Variants in PUM1 observed in about 807,000 individuals in gnomAD.
PUM1 encodes pumilio RNA binding family member 1.
PUM1 carries 13 observed loss-of-function variants against 131.8 expected under a neutral mutation model. The observed-to-expected ratio is 0.10, with a 90% CI of 0.06 to 0.16. PUM1 has a LOEUF of 0.16. PUM1 is among the 10% of genes least tolerant of loss of function. The pLI is 1.00. For missense variants in PUM1, 961 were observed against 1,512.4 expected, an observed-to-expected ratio of 0.64 and a Z score of 6.05; for synonymous variants, 509 against 556.5, an observed-to-expected ratio of 0.91 and a Z score of 1.20.
At chr1:30,973,445 A>T (rs543442781) in intron 10 of PUM1, among the ~76,000 whole-genome samples, 54 of 152,276 alleles carry the variant, frequency 3.5e-4, no homozygotes, top group Non-Finnish European at 6.9e-4. Flanking sequence ...ATTACTAGGA[A>T]TTTTTTCCAA....
chr1:30,974,152 G>A (rs959619959), intron 10 of PUM1, among the ~76,000 whole-genome samples: 2 of 151,054 alleles, frequency 1.3e-5, no homozygotes, highest in Non-Finnish European at 2.9e-5. Flanking sequence ...AAAAATAAAA[G>A]ATGTAGTTTT....
intron 2 of PUM1, among the ~76,000 whole-genome samples, chr1:31,056,609 C>CTTTTCTTTTTTTTTTTTTTTT (rs1644245029): frequency 2.5e-4 from 11 of 43,692 alleles, no homozygotes; most frequent in Admixed American, 4.0e-4. Context: ...CTTTTCTTTT[C>CTTTTCTTTTTTTTTTTTTTTT]TTTTTTTTTT....
At chr1:31,009,541 G>C (rs139556249) in intron 3 of PUM1, among the ~76,000 whole-genome samples, 3 of 152,214 alleles carry the variant, frequency 2.0e-5, no homozygotes, top group Non-Finnish European at 4.4e-5. Flanking sequence ...TGAGGCAGGT[G>C]AATCACCTGA....
At chr1:30,962,368 TGGC>T (rs1486541871) in intron 14 of PUM1, among the ~76,000 whole-genome samples, 3 of 152,206 alleles carry the variant, frequency 2.0e-5, no homozygotes, top group Non-Finnish European at 4.4e-5. Context: ...GTAGTATTTC[TGGC>T]TCCATTTCCA....
intron 2 of PUM1, chr1:31,036,811 C>G (rs1292127002): frequency 6.5e-6 from 1 of 153,414 alleles, no homozygotes; most frequent in Non-Finnish European, 1.5e-5. Context: ...ACATCAAGAC[C>G]AGGCCTAAAA....
At chr1:30,946,697 T>C (rs1040438481) in intron 17 of PUM1, among the ~76,000 whole-genome samples, 6 of 147,928 alleles carry the variant, frequency 4.1e-5, no homozygotes, top group Non-Finnish European at 7.5e-5. Flanking sequence ...ATAAAAACAA[T>C]AAAAAAGATT....
In PUM1 at chr1:30,937,861, C is replaced by T. The variant is rs187139565; in HGVS notation, c.3243-1026G>A. Reference sequence around the variant, plus strand: ...TCGGCTCACTGCAACTTCTGCCTCCCGGATTCAAATAATTCTTCTCCTGCC... The same window carrying T: ...TCGGCTCACTGCAACTTCTGCCTCCTGGATTCAAATAATTCTTCTCCTGCC... On this transcript the variant is annotated intron_variant, in intron 20 of 21. Coordinates refer to ENST00000426105, the MANE Select transcript of PUM1 (RefSeq NM_001020658.2). 2.1e-3 allele frequency among the ~76,000 whole-genome samples: 324 copies of T among 151,564 alleles called. 1 individual carries two copies. The highest frequency in any genetic ancestry group is 7.4e-3 in the African/African-American group (307 of 41,336).
intron 2 of PUM1, among the ~76,000 whole-genome samples, chr1:31,042,145 A>C (rs1183973963): frequency 6.6e-6 from 1 of 151,936 alleles, no homozygotes; most frequent in Admixed American, 6.6e-5. Context: ...GTCTCTACTA[A>C]AACTATAAAA....
At chr1:31,021,294 G>T (rs539871962) in intron 3 of PUM1, among the ~76,000 whole-genome samples, 4 of 152,050 alleles carry the variant, frequency 2.6e-5, no homozygotes, top group Non-Finnish European at 5.9e-5. Context: ...TTCTCTCCCT[G>T]TACACTCCAA....
In PUM1 at chr1:30,932,639, T is replaced by C; in HGVS notation, c.*572A>G. 1 of 92,668 alleles carries C rather than the reference T, an allele frequency of 1.1e-5. No homozygotes were observed. The highest frequency in any genetic ancestry group is 9.1e-5 in the Admixed American group (1 of 10,996). 5.7% of individuals were successfully genotyped at this position (92,668 alleles called of 1,614,324 possible). A position where few individuals can be genotyped will look rare whatever the true frequency, so the allele number is the denominator to read the frequency against. On this transcript the variant is annotated 3_prime_UTR_variant, in exon 22 of 22. Transcript: ENST00000426105. ...TTTAGCAACTCTGAAACCTTTTTCA[T>C]TATATATATATATATATATATATAT...
chr1:30,985,757 T>C (rs1477591641), intron 7 of PUM1, among the ~76,000 whole-genome samples: 1 of 152,176 alleles, frequency 6.6e-6, no homozygotes, highest in African/African-American at 2.4e-5. Context: ...TTTTTGTTTT[T>C]ACGGATGAGT....
intron 2 of PUM1, among the ~76,000 whole-genome samples, chr1:31,049,823 C>CTTTTT (rs773718125): frequency 4.4e-4 from 35 of 80,000 alleles, no homozygotes; most frequent in Non-Finnish European, 5.1e-4. Flanking sequence ...ACTGAACTTC[C>CTTTTT]TTTTTTTTTT....
At chr1:31,000,318 A>G (rs751195468) in intron 5 of PUM1, among the ~76,000 whole-genome samples, 4 of 152,212 alleles carry the variant, frequency 2.6e-5, no homozygotes, top group Non-Finnish European at 5.9e-5. Context: ...TGTTAACCCA[A>G]AGCTATAGTG....
At chr1:31,014,071 C>A (rs1466476863) in intron 3 of PUM1, among the ~76,000 whole-genome samples, 2 of 151,900 alleles carry the variant, frequency 1.3e-5, no homozygotes, top group Non-Finnish European at 2.9e-5. Context: ...GGAGGTGAGG[C>A]AGGAGGATAG....
Position 30,941,189 on chromosome 1 carries a change from T to C in PUM1, c.3204A>G (p.Arg1068=). The change falls in exon 20 of 22, where the codon CGA becomes CGG. Residue 1068 remains arginine, a synonymous_variant. Coordinates refer to ENST00000426105, the MANE Select transcript of PUM1 (RefSeq NM_001020658.2). ...GCTGACTCAATACAAGTACATTGCC[T>C]CGGATTTCTGCTACAATTTTGCTTT... The part of the protein sequence containing the change: ...EDKSKIVAEI[R]GNVLVLSQHK... 6.2e-7 allele frequency: 1 copy of C among 1,613,838 alleles called. No individual in the cohort carries two copies. The highest frequency in any genetic ancestry group is 8.5e-7 in the Non-Finnish European group (1 of 1,179,838).
intron 9 of PUM1, among the ~76,000 whole-genome samples, chr1:30,975,294 C>T (rs1029349115): frequency 3.3e-5 from 5 of 152,058 alleles, no homozygotes; most frequent in Admixed American, 1.3e-4. Flanking sequence ...GACAACAAAA[C>T]CTAGACACTC....
intron 21 of PUM1, 136 bp from the exon 22 acceptor site, chr1:30,933,478 A>ACACC (rs1639055865): frequency 2.4e-6 from 2 of 840,398 alleles, no homozygotes; most frequent in Non-Finnish European, 3.7e-6. Flanking sequence ...ACACACACAC[A>ACACC]CACACACCCC....
chr1:30,953,598 G>T, intron 15 of PUM1, 116 bp downstream of exon 15: 1 of 1,101,222 alleles, frequency 9.1e-7, no homozygotes, highest in Non-Finnish European at 1.3e-6. Flanking sequence ...AAACTAAGAG[G>T]CACGCTTTTA....
chr1:30,966,979 A>ACCCACCCC, intron 12 of PUM1, 188 bp downstream of exon 12: 1 of 438,316 alleles, frequency 2.3e-6, no homozygotes, highest in Non-Finnish European at 3.6e-6. Context: ...CCCCCAACCC[A>ACCCACCCC]CCAACCCCCC....
Sources: allele counts gnomAD v4.1 joint callset (sites outside exome capture counted in the v4.1 genomes callset), GRCh38; gene constraint gnomAD v4.1.1; transcripts MANE v1.5; gene names NCBI Gene and HGNC (gene_info 2026-07-23, HGNC 2026-07-21).